Variants in SIPA1L2 observed in about 807,000 individuals in gnomAD.
SIPA1L2 encodes signal-induced proliferation-associated 1-like protein 2.
SIPA1L2 carries 56 observed loss-of-function variants against 163.9 expected under a neutral mutation model. That is an observed-to-expected ratio of 0.34 (90% CI 0.28 to 0.43). The LOEUF is 0.43. SIPA1L2 is among the 20% of genes least tolerant of loss of function. SIPA1L2 has a pLI of 1.00. For synonymous variants in SIPA1L2, 877 were observed against 865.7 expected (o/e 1.01, Z -0.23); for missense variants, 1,974 against 2,193.5 (o/e 0.90, Z 2.00).
upstream of SIPA1L2, among the ~76,000 whole-genome samples, chr1:232,630,411 C>A (rs1423135273): frequency 1.3e-5 from 2 of 152,106 alleles, 1 homozygote; most frequent in Admixed American, 1.3e-4. Context: ...TGGGCGAGCT[C>A]GAGGGCCGGG....
At chr1:232,607,363 T>C (rs1008047672) in intron 1 of SIPA1L2, among the ~76,000 whole-genome samples, 2 of 152,212 alleles carry the variant, frequency 1.3e-5, no homozygotes, top group African/African-American at 2.4e-5. Context: ...TGATTTAAAT[T>C]ACTTGATCAT....
chr1:232,439,960 C>A (rs1482647911), intron 14 of SIPA1L2, among the ~76,000 whole-genome samples: 4 of 152,144 alleles, frequency 2.6e-5, no homozygotes, highest in Non-Finnish European at 5.9e-5. Flanking sequence ...ATCACTTAAC[C>A]CTCTCTGTGC....
intron 18 of SIPA1L2, among the ~76,000 whole-genome samples, chr1:232,417,885 C>T (rs1409596809): frequency 1.3e-5 from 2 of 152,176 alleles, no homozygotes; most frequent in Admixed American, 1.3e-4. Context: ...TCTGTGAGGG[C>T]CGCGGAGGTC....
chr1:232,573,021 T>C (rs1659885623), intron 2 of SIPA1L2, among the ~76,000 whole-genome samples: 1 of 151,904 alleles, frequency 6.6e-6, no homozygotes, highest in Non-Finnish European at 1.5e-5. Context: ...TCTCAGGTGA[T>C]CCGTCCGCCT....
chr1:232,618,752 C>G (rs183001461), intron 1 of SIPA1L2, among the ~76,000 whole-genome samples: 1 of 152,084 alleles, frequency 6.6e-6, no homozygotes, highest in East Asian at 1.9e-4. Flanking sequence ...TATAAAGTCT[C>G]AAAACAAAAC....
At chr1:232,459,373 G>T (rs1571027) in intron 10 of SIPA1L2, among the ~76,000 whole-genome samples, 45,769 of 151,992 alleles carry the variant, frequency 0.3, 7,512 homozygotes, top group East Asian at 0.58. Context: ...GCTTAAAGGA[G>T]GAAGAAAGGA....
chr1:232,469,851 CAG>C (rs201257331), intron 8 of SIPA1L2, among the ~76,000 whole-genome samples: 2,279 of 148,252 alleles, frequency 0.015, 55 homozygotes, highest in African/African-American at 0.053. Flanking sequence ...TTTAATTAAA[CAG>C]AGTTGTTTAA....
At chr1:232,481,850 A>C (rs997603346) in intron 6 of SIPA1L2, among the ~76,000 whole-genome samples, 1 of 152,202 alleles carries the variant, frequency 6.6e-6, no homozygotes, top group African/African-American at 2.4e-5. Flanking sequence ...ATTCTAGCCC[A>C]ACATCCTGAA....
chr1:232,445,963 C>T (rs1663193614), intron 10 of SIPA1L2, among the ~76,000 whole-genome samples, 177 bp from the exon 11 acceptor site: 1 of 152,186 alleles, frequency 6.6e-6, no homozygotes, highest in African/African-American at 2.4e-5. Flanking sequence ...AAACCACATT[C>T]CCACACTATT....
intron 15 of SIPA1L2, 147 bp from the exon 16 acceptor site, chr1:232,432,618 C>A (rs1662317941): frequency 7.3e-6 from 5 of 687,996 alleles, no homozygotes; most frequent in Middle Eastern, 6.1e-4. Context: ...CTTCTTTCTA[C>A]CATGGAGCTT....
At chr1:232,482,408 G>A (rs950750091) in intron 6 of SIPA1L2, among the ~76,000 whole-genome samples, 1 of 151,564 alleles carries the variant, frequency 6.6e-6, no homozygotes, top group Non-Finnish European at 1.5e-5. Flanking sequence ...AGCATCTCTA[G>A]GGGGTGAATG....
intron 3 of SIPA1L2, among the ~76,000 whole-genome samples, chr1:232,494,001 G>C (rs573697654): frequency 6.6e-6 from 1 of 152,158 alleles, no homozygotes; most frequent in Non-Finnish European, 1.5e-5. Context: ...ATGGCTACTT[G>C]TAGAATCAAT....
chr1:232,458,542 T>C (rs1174342248), intron 10 of SIPA1L2, among the ~76,000 whole-genome samples: 1 of 152,140 alleles, frequency 6.6e-6, no homozygotes, highest in Non-Finnish European at 1.5e-5. Flanking sequence ...AAACCAAAAC[T>C]AAAAATAGGC....
At chr1:232,494,258 C>CA (rs1332744706) in intron 3 of SIPA1L2, among the ~76,000 whole-genome samples, 1 of 152,202 alleles carries the variant, frequency 6.6e-6, no homozygotes, top group African/African-American at 2.4e-5. Flanking sequence ...TTTCTAAAGT[C>CA]AAATTTTATC....
At chr1:232,596,469 A>G (rs1661259708) in intron 1 of SIPA1L2, among the ~76,000 whole-genome samples, 1 of 152,196 alleles carries the variant, frequency 6.6e-6, no homozygotes, top group Admixed American at 6.5e-5. Flanking sequence ...AATCACCAAC[A>G]AGGAAGGACC....
intron 3 of SIPA1L2, among the ~76,000 whole-genome samples, chr1:232,498,844 A>G (rs767621845): frequency 1.3e-5 from 2 of 152,164 alleles, no homozygotes; most frequent in African/African-American, 4.8e-5. Context: ...CACAACTGCA[A>G]AGTCTCTTTT....
chr1:232,399,324 T>C (rs1220104459), intron 22 of SIPA1L2, 51 bp from the exon 23 acceptor site: 8 of 1,580,134 alleles, frequency 5.1e-6, no homozygotes, highest in Non-Finnish European at 6.9e-6. Flanking sequence ...GATACATTCA[T>C]TCCTCCTAAG....
intron 3 of SIPA1L2, among the ~76,000 whole-genome samples, chr1:232,509,049 G>T (rs529757958): frequency 6.6e-6 from 1 of 152,204 alleles, no homozygotes; most frequent in Non-Finnish European, 1.5e-5. Context: ...CCAAGATTGC[G>T]CCACTGCACG....
Position 232,465,135 on chromosome 1 carries a change from T to C in SIPA1L2, c.2525A>G (p.Lys842Arg). The C allele has an allele frequency of 6.2e-7, 1 of 1,614,180 alleles. No individual in the cohort carries two copies. The highest frequency in any genetic ancestry group is 8.5e-7 in the Non-Finnish European group (1 of 1,180,032). ...AAACAAGTGGGCATCCTTCCTTGGC[T>C]TTACCTTCTCCTTTTTCTTCGCACC... ...TLGAKKKEKV[K>R]PRKDAHLFSI... Residue 842 changes from lysine (K) to arginine (R), a missense_variant, in exon 9 of 23, where the codon AAG becomes AGG. Transcript: ENST00000674635. This position sits in a 1 kb window ranked among gnomAD's most constrained non-coding sequence, Gnocchi z 4.1.
Sources: gnomAD v4.1 joint callset for allele counts (sites outside exome capture counted in the v4.1 genomes callset) on GRCh38, gnomAD v4.1.1 for gene constraint, Gnocchi (gnomAD v3.1) non-coding constraint, MANE v1.5 for transcripts, NCBI Gene and HGNC (gene_info 2026-07-23, HGNC 2026-07-21) for gene names.